HCRTR2: variants seen among roughly 807,000 people sequenced by gnomAD.
HCRTR2 encodes the protein hypocretin receptor 2, also known as orexin receptor type 2.
HCRTR2 carries 22 observed loss-of-function variants against 49.0 expected under a neutral mutation model. The ratio of observed to expected loss-of-function variants is 0.45; its 90% confidence interval spans 0.32 to 0.64. The LOEUF (loss-of-function observed/expected upper bound fraction) is 0.64. Ranked by LOEUF, HCRTR2 falls within the 30% of genes least tolerant of loss-of-function variation. The probability of loss-of-function intolerance (pLI) is 0.04; values close to 1 mark genes in which losing one functional copy is unlikely to be tolerated. For synonymous variants in HCRTR2, 236 were observed against 205.3 expected, an observed-to-expected ratio of 1.15 and a Z score of -1.28; for missense variants, 491 against 559.4, an observed-to-expected ratio of 0.88 and a Z score of 1.23.
intron 1 of HCRTR2, among the ~76,000 whole-genome samples, chr6:55,224,547 C>T (rs563015870): frequency 3.2e-4 from 49 of 151,826 alleles, no homozygotes; most frequent in African/African-American, 7.0e-4. Flanking sequence ...GGCGTGAACC[C>T]GGGAGGCGGA....
intron 1 of HCRTR2, among the ~76,000 whole-genome samples, chr6:55,212,716 G>A (rs947759604): frequency 2.6e-5 from 4 of 152,136 alleles, no homozygotes; most frequent in Non-Finnish European, 5.9e-5. Context: ...ACAAGATGCT[G>A]AACCAACCCT....
chr6:55,225,755 T>C (rs957521454), intron 1 of HCRTR2, among the ~76,000 whole-genome samples: 7 of 152,220 alleles, frequency 4.6e-5, no homozygotes, highest in African/African-American at 1.7e-4. Context: ...GTAATCAAAT[T>C]GTAATTGTAA....
chr6:55,196,490 T>C (rs1765411855), intron 1 of HCRTR2, among the ~76,000 whole-genome samples: 1 of 152,070 alleles, frequency 6.6e-6, no homozygotes, highest in Non-Finnish European at 1.5e-5. Flanking sequence ...AAACAAATCA[T>C]CTATGGCACG....
chr6:55,245,477 A>T (rs1194067563), intron 1 of HCRTR2, among the ~76,000 whole-genome samples: 1 of 93,104 alleles, frequency 1.1e-5, no homozygotes, highest in South Asian at 3.1e-4. Context: ...TTTTATATAT[A>T]TATATATATA....
chr6:55,268,309 TAA>T lies in HCRTR2; in HGVS notation c.762+4488_762+4489del, dbSNP rs549049756. Among the ~76,000 whole-genome samples, 21 of 152,070 alleles carry T rather than the reference TAA, an allele frequency of 1.4e-4. 1 individual carries two copies. Among genetic ancestry groups the T allele is most frequent in the Middle Eastern group, 6.8e-3 (2 of 294 alleles). ...AGGAAGACAAGAGATACAATATATA[TAA>T]GTCACAAATAGTAAAATGGCAGATA... On this transcript the variant is annotated intron_variant, in intron 4 of 6. Coordinates refer to ENST00000370862, the MANE Select transcript of HCRTR2 (RefSeq NM_001384272.1).
chr6:55,175,512 ATT>A (rs34441523), intron 1 of HCRTR2, among the ~76,000 whole-genome samples: 1 of 148,542 alleles, frequency 6.7e-6, no homozygotes, highest in African/African-American at 2.5e-5. Context: ...TCAGCCAAAT[ATT>A]TTTTTTTTTC....
chr6:55,239,913 G>T, intron 1 of HCRTR2, among the ~76,000 whole-genome samples: 1 of 151,466 alleles, frequency 6.6e-6, no homozygotes, highest in South Asian at 2.1e-4. Context: ...GAGTAGCTGG[G>T]ATTACAGGCG....
intron 1 of HCRTR2, among the ~76,000 whole-genome samples, chr6:55,188,861 G>A (rs1488495076): frequency 2.6e-5 from 4 of 152,176 alleles, no homozygotes; most frequent in African/African-American, 9.7e-5. Context: ...CTTCTTCACT[G>A]AGGAGGTAGC....
intron 1 of HCRTR2, among the ~76,000 whole-genome samples, chr6:55,109,709 G>A (rs1446544031): frequency 6.6e-6 from 1 of 151,910 alleles, no homozygotes; most frequent in African/African-American, 2.4e-5. Flanking sequence ...AAGCCTCCAA[G>A]AAGTTTGGGA....
intron 1 of HCRTR2, among the ~76,000 whole-genome samples, chr6:55,118,758 C>T (rs1764154512): frequency 6.6e-6 from 1 of 150,520 alleles, no homozygotes; most frequent in African/African-American, 2.5e-5. Flanking sequence ...TTTGTTTATT[C>T]TTGTAAATTT....
intron 1 of HCRTR2, among the ~76,000 whole-genome samples, chr6:55,144,833 A>C (rs902037868): frequency 6.6e-6 from 1 of 152,048 alleles, no homozygotes; most frequent in South Asian, 2.1e-4. Flanking sequence ...TCTCGTCTAG[A>C]CCATGCTTAT....
At chr6:55,201,480 T>G (rs1039098632) in intron 1 of HCRTR2, among the ~76,000 whole-genome samples, 1 of 152,162 alleles carries the variant, frequency 6.6e-6, no homozygotes, top group African/African-American at 2.4e-5. Context: ...GAATTCTAAA[T>G]GCAAATCTCA....
At chr6:55,170,120 C>T (rs575656229), upstream of HCRTR2, among the ~76,000 whole-genome samples, 13 of 151,014 alleles carry the variant, frequency 8.6e-5, no homozygotes, top group South Asian at 2.7e-3. Flanking sequence ...AGTGAAAGAG[C>T]TAAAATAAAT....
At chr6:55,220,845 G>A (rs1765876521) in intron 1 of HCRTR2, among the ~76,000 whole-genome samples, 1 of 152,078 alleles carries the variant, frequency 6.6e-6, no homozygotes, top group Non-Finnish European at 1.5e-5. Flanking sequence ...CAACTAGTAA[G>A]TTCATCAAAA....
At chr6:55,162,392 G>C (rs1246338516) in intron 1 of HCRTR2, among the ~76,000 whole-genome samples, 3 of 152,092 alleles carry the variant, frequency 2.0e-5, no homozygotes, top group African/African-American at 7.2e-5. Context: ...TACTGAATGG[G>C]CAAAAGCTGG....
chr6:55,232,300 T>C (rs1217009285), intron 1 of HCRTR2, among the ~76,000 whole-genome samples: 2 of 152,172 alleles, frequency 1.3e-5, no homozygotes, highest in African/African-American at 4.8e-5. Flanking sequence ...CACCACACAA[T>C]TCCTAATTTA....
chr6:55,116,076 A>C (rs1764111931), intron 1 of HCRTR2, among the ~76,000 whole-genome samples: 1 of 151,666 alleles, frequency 6.6e-6, no homozygotes, highest in South Asian at 2.1e-4. Context: ...CTTTTACAAA[A>C]TATTATCAAT....
Position 55,263,815 on chromosome 6 carries a change from G to C in HCRTR2, c.755G>C (p.Cys252Ser), listed in dbSNP as rs1766813660. 6.3e-7 allele frequency: 1 copy of C among 1,587,600 alleles called. No homozygotes were observed. Among genetic ancestry groups the C allele is most frequent in the Admixed American group, 1.7e-5 (1 of 59,816 alleles). The change falls in exon 4 of 7, where the codon TGT becomes TCT. Residue 252 changes from cysteine (C) to serine (S), a missense_variant. Coordinates refer to ENST00000370862, the MANE Select transcript of HCRTR2 (RefSeq NM_001384272.1). ...CTGCAAATATTTCGCAAACTCTGGTGTCGACAGGTATATAGTTTCAAATAT... is the reference window on the plus strand; with the variant it reads ...CTGCAAATATTTCGCAAACTCTGGTCTCGACAGGTATATAGTTTCAAATAT... ...AYLQIFRKLW[C>S]RQIPGTSSVV...
At chr6:55,279,520 A>AACACACACACACACACACAC (rs34736199) in intron 5 of HCRTR2, among the ~76,000 whole-genome samples, 125 of 142,774 alleles carry the variant, frequency 8.8e-4, no homozygotes, top group Admixed American at 1.9e-3. Flanking sequence ...TTCTTGCTGT[A>AACACACACACACACACACAC]ACACACACAC....
Sources: gnomAD v4.1 joint callset for allele counts (sites outside exome capture counted in the v4.1 genomes callset) on GRCh38, gnomAD v4.1.1 for gene constraint, MANE v1.5 for transcripts, NCBI Gene and HGNC (gene_info 2026-07-23, HGNC 2026-07-21) for gene names.